SPCS2: variants seen among roughly 807,000 people sequenced by gnomAD.
SPCS2 encodes SPase 25 kDa subunit.
SPCS2 carries 3 observed loss-of-function variants against 22.3 expected under a neutral mutation model. The ratio of observed to expected loss-of-function variants is 0.13; its 90% CI spans 0.06 to 0.35. The LOEUF is 0.35. SPCS2 is among the 10% of genes least tolerant of loss of function. The pLI, the probability that SPCS2 is intolerant of heterozygous loss-of-function variation, is 1.00. For synonymous variants in SPCS2, 67 were observed against 97.2 expected, an observed-to-expected ratio of 0.69 and a Z score of 1.83; for missense variants, 169 against 280.9, an observed-to-expected ratio of 0.60 and a Z score of 2.85.
rs552611446 is a variant in SPCS2, at chr11:74,966,073, ATATC to A, written c.359+155_359+158del. ...TTGAGCTGTGATGTTTATATAGTAA[ATATC>A]TATCAGTTTATATAGTAACTGTCAC... On this transcript the variant is annotated intron_variant, in intron 3 of 4. Transcript: ENST00000263672. 4,815 of 689,668 alleles carry A rather than the reference ATATC, an allele frequency of 7.0e-3. 28 individuals carry two copies. The highest frequency in any genetic ancestry group is 8.9e-3 in the Non-Finnish European group (3,644 of 407,212). The allele number at this position is 689,668 out of a possible 1,614,324, so 42.7% of individuals were successfully genotyped here. A position where few individuals can be genotyped will look rare whatever the true frequency, so the allele number is the denominator to read the frequency against.
At chr11:74,969,416 A>G in intron 3 of SPCS2, 149 bp from the exon 4 acceptor site, 2 of 713,894 alleles carry the variant, frequency 2.8e-6, no homozygotes, top group African/African-American at 1.8e-5. Flanking sequence ...AAGGATGAAA[A>G]TGAAATAGCT....
chr11:74,950,628 T>C (rs954462532), intron 1 of SPCS2, among the ~76,000 whole-genome samples: 37 of 152,328 alleles, frequency 2.4e-4, no homozygotes, highest in African/African-American at 8.7e-4. Context: ...CCTTGAACTC[T>C]TAAGCTTAGG....
chr11:74,956,629 C>T (rs1274716815), intron 1 of SPCS2, among the ~76,000 whole-genome samples: 4 of 152,144 alleles, frequency 2.6e-5, no homozygotes, highest in African/African-American at 2.4e-5. Flanking sequence ...TGCTTGGCTC[C>T]GTTACATTTT....
rs898529884 is a variant in SPCS2, at chr11:74,978,043, A to T, written c.*1000A>T. Reference sequence around the variant, plus strand: ...GAGATACAAAAGTTAAATAATTGTCACACAGCTAGTGATAGAACTGGGATT... The same window carrying T: ...GAGATACAAAAGTTAAATAATTGTCTCACAGCTAGTGATAGAACTGGGATT... On this transcript the variant is annotated 3_prime_UTR_variant, in exon 5 of 5. Coordinates refer to ENST00000263672, the MANE Select transcript of SPCS2 (RefSeq NM_014752.3). 1 of 152,220 alleles carries T rather than the reference A, an allele frequency of 6.6e-6. No homozygotes were observed. The highest frequency in any genetic ancestry group is 1.5e-5 in the Non-Finnish European group (1 of 68,040). The allele number at this position is 152,220 out of a possible 1,614,324, so 9.4% of individuals were successfully genotyped here. A position where few individuals can be genotyped will look rare whatever the true frequency, so the allele number is the denominator to read the frequency against.
intron 4 of SPCS2, among the ~76,000 whole-genome samples, chr11:74,970,922 G>T (rs1261986196): frequency 6.6e-6 from 1 of 152,026 alleles, no homozygotes; most frequent in African/African-American, 2.4e-5. Flanking sequence ...GTACCTAGTA[G>T]TATTTACAGA....
At position 74,977,188 on chromosome 11, in the gene SPCS2, G is replaced by A. The variant is rs3866803; in HGVS notation, c.*145G>A. The stretch of plus-strand genomic sequence containing the variant: ...GTCCTGAAATTTTAGTCTATTCTGG[G>A]TAAATAGGATTTTCTGACACAGATA... On this transcript the variant is annotated 3_prime_UTR_variant, in exon 5 of 5. Transcript: ENST00000263672. 7.4e-7 allele frequency: 1 copy of A among 1,342,826 alleles called. No individual in the cohort carries two copies. The highest frequency in any genetic ancestry group is 9.8e-7 in the Non-Finnish European group (1 of 1,020,974). 83.2% of individuals were successfully genotyped at this position (1,342,826 alleles called of 1,614,324 possible).
Position 74,967,720 on chromosome 11 carries a change from C to A in SPCS2, c.359+1797C>A, listed in dbSNP as rs529545702. Among the ~76,000 whole-genome samples the A allele has an allele frequency of 1.3e-3, 204 of 152,274 alleles. 1 individual carries two copies. The highest frequency in any genetic ancestry group is 4.7e-3 in the African/African-American group (197 of 41,544). ...GCCGAGATCTGCTACTGCACTCCAG[C>A]CTGGGCGATAGAGCAAGACTCTGTC... On this transcript the variant is annotated intron_variant, in intron 3 of 4. Coordinates refer to ENST00000263672, the MANE Select transcript of SPCS2 (RefSeq NM_014752.3).
At chr11:74,969,461 T>C (rs987567520) in intron 3 of SPCS2, 104 bp from the exon 4 acceptor site, 2 of 1,088,928 alleles carry the variant, frequency 1.8e-6, no homozygotes, top group African/African-American at 1.6e-5. Context: ...GACAAAGCTG[T>C]CTTCTTTAGG....
At chr11:74,950,208 G>C (rs904804810) in intron 1 of SPCS2, among the ~76,000 whole-genome samples, 2 of 152,160 alleles carry the variant, frequency 1.3e-5, no homozygotes, top group African/African-American at 4.8e-5. Flanking sequence ...TGTTGATTTT[G>C]CCTCTAATTA....
intron 3 of SPCS2, 141 bp downstream of exon 3, chr11:74,966,064 A>G: frequency 1.4e-6 from 1 of 716,090 alleles, no homozygotes; most frequent in Non-Finnish European, 2.3e-6. Context: ...TGTGATGTTT[A>G]TATAGTAAAT....
At chr11:74,971,085 T>G (rs117258637) in intron 4 of SPCS2, among the ~76,000 whole-genome samples, 6,722 of 152,316 alleles carry the variant, frequency 0.044, 247 homozygotes, top group Middle Eastern at 0.068. Flanking sequence ...TTATGGACAT[T>G]TCATATGAAT....
chr11:74,949,685 C>A (rs990589111), intron 1 of SPCS2: 9 of 481,752 alleles, frequency 1.9e-5, no homozygotes, highest in Non-Finnish European at 3.3e-5. Flanking sequence ...TCGTGTCCAT[C>A]TCTTTTCTCC....
chr11:74,977,544 A>C lies in SPCS2; in HGVS notation c.*501A>C, dbSNP rs1948622096. The C allele has an allele frequency of 6.6e-6, 1 of 152,444 alleles. No homozygotes were observed. Among genetic ancestry groups the C allele is most frequent in the Non-Finnish European group, 1.5e-5 (1 of 68,016 alleles). The allele number at this position is 152,444 out of a possible 1,614,324, so 9.4% of individuals were successfully genotyped here. A position where few individuals can be genotyped will look rare whatever the true frequency, so the allele number is the denominator to read the frequency against. On this transcript the variant is annotated 3_prime_UTR_variant, in exon 5 of 5. Transcript: ENST00000263672. ...ATCTGATTTGGGAAGAATTTAAAAAACACATAGCTTTTTAATTTGTTTGAA... is the reference window on the plus strand; with the variant it reads ...ATCTGATTTGGGAAGAATTTAAAAACCACATAGCTTTTTAATTTGTTTGAA...
At position 74,969,545 on chromosome 11, in the gene SPCS2, C is replaced by T; in HGVS notation, c.360-20C>T. Reference sequence around the variant, plus strand: ...CTTCTCTTTTATGTTTGGGTATTTTCCCCTTAACTTTATTTGAACCTATTT... The same window carrying T: ...CTTCTCTTTTATGTTTGGGTATTTTTCCCTTAACTTTATTTGAACCTATTT... On this transcript the variant is annotated intron_variant, in intron 3 of 4. Coordinates refer to ENST00000263672, the MANE Select transcript of SPCS2 (RefSeq NM_014752.3). The T allele has an allele frequency of 4.3e-6, 7 of 1,609,624 alleles. No homozygotes were observed. The highest frequency in any genetic ancestry group is 5.9e-6 in the Non-Finnish European group (7 of 1,177,240).
At chr11:74,959,973 C>T (rs1948502669) in intron 1 of SPCS2, among the ~76,000 whole-genome samples, 1 of 152,162 alleles carries the variant, frequency 6.6e-6, no homozygotes, top group Non-Finnish European at 1.5e-5. Flanking sequence ...TCATAATGTT[C>T]TATTAAAGCT....
chr11:74,955,485 T>G (rs1476735814), intron 1 of SPCS2, among the ~76,000 whole-genome samples: 1 of 152,126 alleles, frequency 6.6e-6, no homozygotes, highest in African/African-American at 2.4e-5. Flanking sequence ...ATAGTATGAC[T>G]GCATTTGTAT....
intron 1 of SPCS2, among the ~76,000 whole-genome samples, chr11:74,949,912 T>C (rs1948346492): frequency 1.3e-5 from 2 of 152,248 alleles, no homozygotes; most frequent in African/African-American, 2.4e-5. Context: ...TTGACTGTTC[T>C]ACTGGGCTGA....
intron 4 of SPCS2, among the ~76,000 whole-genome samples, chr11:74,974,237 G>A (rs1948603375): frequency 6.6e-6 from 1 of 151,990 alleles, no homozygotes; most frequent in Admixed American, 6.6e-5. Context: ...AATGCCACCA[G>A]GGCTTGTTCT....
chr11:74,953,447 C>G (rs1172710047), intron 1 of SPCS2, among the ~76,000 whole-genome samples: 5 of 152,242 alleles, frequency 3.3e-5, no homozygotes, highest in Admixed American at 2.0e-4. Flanking sequence ...ACGGCCTCGG[C>G]CTCCCAAAGT....
Sources: allele counts gnomAD v4.1 joint callset (sites outside exome capture counted in the v4.1 genomes callset), GRCh38; gene constraint gnomAD v4.1.1; transcripts MANE v1.5; gene names NCBI Gene and HGNC (gene_info 2026-07-23, HGNC 2026-07-21).